Variants in PDLIM2 observed in about 807,000 individuals in gnomAD.
PDLIM2 encodes the protein PDZ and LIM domain 2, also known as PDZ and LIM domain protein 2.
Under a neutral mutation model 54.1 loss-of-function variants are expected in PDLIM2, and 51 were observed. The ratio of observed to expected loss-of-function variants is 0.94; its 90% CI spans 0.75 to 1.19. The LOEUF (loss-of-function observed/expected upper bound fraction) is 1.19, where lower values mean the gene tolerates loss of function less well. PDLIM2 is among the 50% of genes most tolerant of loss of function. The pLI is 0.00. For synonymous variants in PDLIM2, 398 were observed against 385.6 expected (o/e 1.03, Z -0.38); for missense variants, 912 against 874.0 (o/e 1.04, Z -0.55).
At position 22,584,975 on chromosome 8, in the gene PDLIM2, G is replaced by C. The variant is rs11988357; in HGVS notation, c.1066-42G>C. Reference sequence around the variant, plus strand: ...GGCCCGAGGGCAGGGCGGCCTTGGCGGGGCAGCCCTGCCTTTCCTGACACA... The same window carrying C: ...GGCCCGAGGGCAGGGCGGCCTTGGCCGGGCAGCCCTGCCTTTCCTGACACA... On this transcript the variant is annotated intron_variant, in intron 4 of 9. Transcript: ENST00000308354. 1.8e-3 allele frequency: 2,852 copies of C among 1,613,232 alleles called. 21 individuals are homozygous for C. Among genetic ancestry groups the C allele is most frequent in the African/African-American group, 0.017 (1,303 of 74,980 alleles).
chr8:22,597,615 C>G (rs564247963), downstream of PDLIM2: 5 of 152,752 alleles, frequency 3.3e-5, no homozygotes, highest in South Asian at 6.2e-4. Context: ...TGTTTGGAAT[C>G]CCGCCCCACA....
chr8:22,594,540 G>C (rs1800641092), downstream of PDLIM2: 1 of 1,613,962 alleles, frequency 6.2e-7, no homozygotes, highest in Non-Finnish European at 8.5e-7. Flanking sequence ...GAGGACGCTT[G>C]TGCTATGGAG....
Position 22,585,347 on chromosome 8 carries a change from G to T in PDLIM2, c.1238G>T (p.Gly413Val), listed in dbSNP as rs199723392. Residue 413 changes from glycine to valine, a missense_variant, in exon 6 of 10, where the codon GGC becomes GTC. Physicochemically the swap from Gly to Val is moderately radical, Grantham distance 109. Transcript: ENST00000308354. Reference sequence around the variant, plus strand: ...TTCCAGAGTCTGGCATGTTCCCCGGGCCTCCCCGCTGCTGACCGCCTGTCC... The same window carrying T: ...TTCCAGAGTCTGGCATGTTCCCCGGTCCTCCCCGCTGCTGACCGCCTGTCC... 13 of 1,612,738 alleles carry T rather than the reference G, an allele frequency of 8.1e-6. No individual in the cohort carries two copies. The African/African-American group carries it at 1.6e-4, about 20-fold the overall frequency.
chr8:22,595,120 G>T (rs1365442477), downstream of PDLIM2: 3 of 155,368 alleles, frequency 1.9e-5, no homozygotes, highest in Non-Finnish European at 4.3e-5. Flanking sequence ...TTTCAGAGAA[G>T]ATCAAAGCTG....
At chr8:22,582,107 G>T (rs1377839817) in intron 3 of PDLIM2, among the ~76,000 whole-genome samples, 1 of 152,236 alleles carries the variant, frequency 6.6e-6, no homozygotes, top group African/African-American at 2.4e-5. Flanking sequence ...CAAGCTATAG[G>T]GGGAACAGGT....
downstream of PDLIM2, chr8:22,594,668 G>A (rs1800644240): frequency 6.2e-7 from 1 of 1,600,650 alleles, no homozygotes; most frequent in Admixed American, 1.7e-5. Flanking sequence ...CTGATCCTGA[G>A]GACCGGCCGC....
rs1158073125 is a variant in PDLIM2, at chr8:22,593,788, T to C, written c.1687T>C (p.Cys563Arg). The C allele has an allele frequency of 6.2e-7, 1 of 1,605,258 alleles. No individual in the cohort carries two copies. The highest frequency in any genetic ancestry group is 8.5e-7 in the Non-Finnish European group (1 of 1,176,918). The change falls in exon 10 of 10, where the codon TGT becomes CGT. Residue 563 changes from cysteine (C) to arginine (R), a missense_variant. Physicochemically the swap from Cys to Arg is radical, Grantham distance 180. Transcript: ENST00000308354. The stretch of plus-strand genomic sequence containing the variant: ...GTACCGCCACCCCGGCTGCTACACC[T>C]GTGCCGACTGTGGGCTGAACCTGAA...
intron 6 of PDLIM2, among the ~76,000 whole-genome samples, chr8:22,586,819 C>T (rs918647206): frequency 1.8e-4 from 28 of 152,152 alleles, no homozygotes; most frequent in African/African-American, 6.3e-4. Context: ...GCATGGCTCC[C>T]AAACCAGCGG....
At position 22,584,812 on chromosome 8, in the gene PDLIM2, C is replaced by A; in HGVS notation, c.996-9C>A. On this transcript the variant is annotated splice_polypyrimidine_tract_variant and intron_variant, in intron 3 of 9. Coordinates refer to ENST00000308354, the Ensembl canonical transcript of PDLIM2. ...CCTGTGACATTCCCTCCCTCTGTTG[C>A]CTTCTCAGGTCTCAGGCTACGTCTC... 1 of 1,613,954 alleles carries A rather than the reference C, an allele frequency of 6.2e-7. No homozygotes were observed. The highest frequency in any genetic ancestry group is 1.1e-5 in the South Asian group (1 of 91,088).
chr8:22,578,800 G>T (rs1161565656), exon 1 of PDLIM2: 5 of 1,234,258 alleles, frequency 4.1e-6, no homozygotes, highest in Non-Finnish European at 5.1e-6. Flanking sequence ...GGAGAGCGCG[G>T]CCGGCGTGGG....
At chr8:22,580,831 G>A (rs1023435169) in intron 2 of PDLIM2, 134 bp downstream of exon 1, 23 of 1,026,350 alleles carry the variant, frequency 2.2e-5, no homozygotes, top group Non-Finnish European at 3.1e-5. Flanking sequence ...CGTGCTGGCT[G>A]TAAGGGAGCC....
rs571919450 is a variant in PDLIM2 at position 22,589,878 on chromosome 8, G to T, written c.1513+137G>T. On this transcript the variant is annotated intron_variant, in intron 8 of 9. Coordinates refer to ENST00000308354, the Ensembl canonical transcript of PDLIM2. ...AGGACTAGGCACGGAGCCGAGCAGA[G>T]CGCGAAGCCCCAGCCCCTGCCCATA... is the stretch of plus-strand genomic sequence containing the variant. 2.4e-6 allele frequency: 3 copies of T among 1,256,842 alleles called. No homozygotes were observed. In the Admixed American group the frequency reaches 7.4e-5, roughly 31 times the overall value. 77.9% of individuals were successfully genotyped at this position (1,256,842 alleles called of 1,614,324 possible).
chr8:22,594,849 T>C (rs563035224), downstream of PDLIM2: 45 of 684,174 alleles, frequency 6.6e-5, no homozygotes, highest in South Asian at 1.0e-3. Context: ...CTCCTGGAGC[T>C]CAGGAGGCCG....
downstream of PDLIM2, chr8:22,596,400 G>C (rs572851558): frequency 3.3e-5 from 5 of 152,332 alleles, no homozygotes; most frequent in South Asian, 1.0e-3. Flanking sequence ...AGGGTTCTCT[G>C]CAGCCACACA....
exon 7 of PDLIM2, chr8:22,589,309 C>A: frequency 6.5e-7 from 1 of 1,534,086 alleles, no homozygotes; most frequent in South Asian, 1.2e-5. Flanking sequence ...CCGGCCTCGG[C>A]CGCGCTGGCG....
At chr8:22,583,055 C>T (rs770835866) in intron 3 of PDLIM2, among the ~76,000 whole-genome samples, 6 of 151,962 alleles carry the variant, frequency 3.9e-5, no homozygotes, top group Non-Finnish European at 7.4e-5. Flanking sequence ...TCCCAGGAAG[C>T]GGAGGGTCCT....
chr8:22,591,203 C>T (rs1031881144), intron 8 of PDLIM2: 20 of 301,294 alleles, frequency 6.6e-5, no homozygotes, highest in Non-Finnish European at 1.1e-4. Context: ...CTTTGAAAGC[C>T]ACACCGAGGC....
intron 9 of PDLIM2, chr8:22,591,949 C>G (rs1357909553): frequency 3.3e-6 from 1 of 306,834 alleles, no homozygotes; most frequent in South Asian, 9.2e-5. Context: ...TGGAGATCTG[C>G]CCGGAGGTAC....
intron 9 of PDLIM2, chr8:22,592,233 C>T (rs1800574826): frequency 6.6e-6 from 1 of 152,030 alleles, no homozygotes; most frequent in African/African-American, 2.4e-5. Flanking sequence ...AGGCTCCCGC[C>T]ACCACTCCCA....
Sources: allele counts gnomAD v4.1 joint callset (sites outside exome capture counted in the v4.1 genomes callset), GRCh38; gene constraint gnomAD v4.1.1; transcripts MANE v1.5; gene names NCBI Gene and HGNC (gene_info 2026-07-23, HGNC 2026-07-21).